SLC44A5: variants seen among roughly 807,000 people sequenced by gnomAD.
SLC44A5 encodes the protein solute carrier family 44 member 5.
A neutral mutation model predicts 101.8 loss-of-function variants in SLC44A5; 57 were observed. That is an observed-to-expected ratio of 0.56 (90% CI 0.45 to 0.70). The LOEUF (loss-of-function observed/expected upper bound fraction) is 0.70. Ranked by LOEUF, SLC44A5 falls within the 30% of genes least tolerant of loss-of-function variation. SLC44A5 has a pLI of 0.00. For synonymous variants in SLC44A5, 281 were observed against 290.9 expected, an observed-to-expected ratio of 0.97 and a Z score of 0.35; for missense variants, 737 against 853.1, an observed-to-expected ratio of 0.86 and a Z score of 1.70.
chr1:75,230,021 C>T (rs905971408), intron 12 of SLC44A5, among the ~76,000 whole-genome samples: 1 of 152,094 alleles, frequency 6.6e-6, no homozygotes, highest in Non-Finnish European at 1.5e-5. Flanking sequence ...ATATTTTTGT[C>T]CCCTTGTTAC....
chr1:75,318,370 T>TGAAA (rs5775281), intron 4 of SLC44A5, among the ~76,000 whole-genome samples: 3,354 of 130,626 alleles, frequency 0.026, 47 homozygotes, highest in African/African-American at 0.036. Flanking sequence ...TCCCATCTCT[T>TGAAA]GAAAGAAAGA....
At chr1:75,362,033 C>G (rs1480010906) in intron 3 of SLC44A5, among the ~76,000 whole-genome samples, 2 of 151,904 alleles carry the variant, frequency 1.3e-5, no homozygotes, top group Non-Finnish European at 2.9e-5. Context: ...TTGATTCAGT[C>G]TTGGTAGATT....
chr1:75,261,946 C>G lies in SLC44A5; in HGVS notation c.261-10652G>C, dbSNP rs557970500. Among the ~76,000 whole-genome samples the G allele has an allele frequency of 4.6e-5, 7 of 152,198 alleles. No individual in the cohort carries two copies. In the South Asian group the frequency reaches 1.2e-3, roughly 27 times the overall value. On this transcript the variant is annotated intron_variant, in intron 6 of 23. Transcript: ENST00000370859. ...AGGCCTTCGACAAAATTCAACAGCC[C>G]TTCATGCTAAAAATTCTCTTTAAAC...
At chr1:75,452,463 C>T (rs559406603) in intron 2 of SLC44A5, among the ~76,000 whole-genome samples, 1 of 152,206 alleles carries the variant, frequency 6.6e-6, no homozygotes, top group East Asian at 1.9e-4. Context: ...AGTACAGAGC[C>T]CACAGACCCT....
chr1:75,307,008 G>A (rs1429729693), intron 4 of SLC44A5, among the ~76,000 whole-genome samples: 1 of 152,004 alleles, frequency 6.6e-6, no homozygotes, highest in African/African-American at 2.4e-5. Flanking sequence ...AAAGTGCTGG[G>A]ATTACAAGCG....
At position 75,442,562 on chromosome 1, in the gene SLC44A5, G is replaced by T. The variant is rs7547929; in HGVS notation, c.14-45941C>A. On this transcript the variant is annotated intron_variant, in intron 2 of 23. Transcript: ENST00000370859. ...TTCTCCACCCTTGATATCTTCTTCA[G>T]GAAGAATACTTTCAAGTCAGCCATT... 4.3e-3 allele frequency among the ~76,000 whole-genome samples: 655 copies of T among 152,074 alleles called. 6 individuals carry two copies. The highest frequency in any genetic ancestry group is 0.015 in the African/African-American group (635 of 41,494).
chr1:75,599,402 A>G (rs575263297), intron 1 of SLC44A5, among the ~76,000 whole-genome samples: 27 of 152,240 alleles, frequency 1.8e-4, no homozygotes, highest in African/African-American at 6.5e-4. Flanking sequence ...CCAGAGCGAC[A>G]CTCTAACCTG....
chr1:75,663,467 G>C, the SLC44A5 span, among the ~76,000 whole-genome samples: 8 of 152,268 alleles, frequency 5.3e-5, no homozygotes, highest in South Asian at 1.7e-3. Context: ...GTGGTAATTT[G>C]TTGTAGCAGC....
chr1:75,608,812 A>AC (rs1431817968), intron 1 of SLC44A5, among the ~76,000 whole-genome samples: 5 of 151,352 alleles, frequency 3.3e-5, no homozygotes, highest in Non-Finnish European at 7.4e-5. Flanking sequence ...AATTGGTCCT[A>AC]CCCTAACCAC....
intron 18 of SLC44A5, among the ~76,000 whole-genome samples, chr1:75,217,554 C>T (rs1223722211): frequency 6.6e-6 from 1 of 152,106 alleles, no homozygotes; most frequent in Non-Finnish European, 1.5e-5. Flanking sequence ...CCTGACATCT[C>T]CATCATGCTT....
intron 13 of SLC44A5, among the ~76,000 whole-genome samples, chr1:75,226,158 TG>T (rs1209181720): frequency 6.6e-6 from 1 of 151,952 alleles, no homozygotes; most frequent in Non-Finnish European, 1.5e-5. Context: ...ATAACATATT[TG>T]GAAAAAAGAT....
At chr1:75,443,609 A>G (rs1274172280) in intron 2 of SLC44A5, among the ~76,000 whole-genome samples, 1 of 151,980 alleles carries the variant, frequency 6.6e-6, no homozygotes, top group Non-Finnish European at 1.5e-5. Context: ...TTAAAGACCT[A>G]TATTATTTTA....
the SLC44A5 span, among the ~76,000 whole-genome samples, chr1:75,636,832 A>C: frequency 6.6e-6 from 1 of 152,148 alleles, no homozygotes. Context: ...ATTTCTATAA[A>C]AGAAAATAGA....
chr1:75,621,950 C>T, the SLC44A5 span, among the ~76,000 whole-genome samples: 1 of 152,112 alleles, frequency 6.6e-6, no homozygotes, highest in South Asian at 2.1e-4. Flanking sequence ...CCCCATGCCA[C>T]ACACCATTAT....
intron 2 of SLC44A5, among the ~76,000 whole-genome samples, chr1:75,506,731 TG>T (rs964616517): frequency 6.6e-6 from 1 of 151,904 alleles, no homozygotes; most frequent in Non-Finnish European, 1.5e-5. Context: ...AGGTTTTTGG[TG>T]GAGTCTTTTG....
intron 1 of SLC44A5, among the ~76,000 whole-genome samples, chr1:75,552,295 C>T (rs1365736645): frequency 6.6e-6 from 1 of 152,066 alleles, no homozygotes; most frequent in African/African-American, 2.4e-5. Flanking sequence ...CAGCACTTAG[C>T]ACCCATAGGT....
At chr1:75,636,451 C>A in the SLC44A5 span, among the ~76,000 whole-genome samples, 1 of 152,020 alleles carries the variant, frequency 6.6e-6, no homozygotes, top group African/African-American at 2.4e-5. Context: ...CTACCATTTG[C>A]TAGATATAGG....
chr1:75,362,284 CATTT>C (rs1199936820), intron 3 of SLC44A5, among the ~76,000 whole-genome samples: 1 of 151,616 alleles, frequency 6.6e-6, no homozygotes, highest in Admixed American at 6.6e-5. Flanking sequence ...TCTAGTCTCG[CATTT>C]ATTTATGCTG....
intron 1 of SLC44A5, among the ~76,000 whole-genome samples, chr1:75,572,882 G>A (rs1338245601): frequency 6.6e-6 from 1 of 151,896 alleles, no homozygotes; most frequent in Non-Finnish European, 1.5e-5. Flanking sequence ...CAGCACTTTG[G>A]GAGGCTAAGG....
Sources: gnomAD v4.1 joint callset for allele counts (sites outside exome capture counted in the v4.1 genomes callset) on GRCh38, gnomAD v4.1.1 for gene constraint, MANE v1.5 for transcripts, NCBI Gene and HGNC (gene_info 2026-07-23, HGNC 2026-07-21) for gene names.